The following SLC25A4 variants were observed in gnomAD, a reference collection of about 807,000 sequenced individuals.
SLC25A4 encodes solute carrier family 25 member 4.
A neutral mutation model predicts 24.7 loss-of-function variants in SLC25A4; 10 were observed. The observed-to-expected ratio is 0.41, with a 90% CI of 0.25 to 0.69. The LOEUF (loss-of-function observed/expected upper bound fraction) is 0.69, where lower values mean the gene tolerates loss of function less well. SLC25A4 is among the 30% of genes least tolerant of loss of function. The pLI is 0.35. For missense variants in SLC25A4, 273 were observed against 387.6 expected (o/e 0.70, Z 2.48); for synonymous variants, 125 against 153.3 (o/e 0.82, Z 1.36).
rs1734506906 is a variant in SLC25A4, at chr4:185,149,803, TC to T, written c.*2836del. 1 of 152,156 alleles carries T rather than the reference TC, an allele frequency of 6.6e-6. No homozygotes were observed. Among genetic ancestry groups the T allele is most frequent in the Non-Finnish European group, 1.5e-5 (1 of 68,040 alleles). 9.4% of individuals were successfully genotyped at this position (152,156 alleles called of 1,614,324 possible). On this transcript the variant is annotated 3_prime_UTR_variant, in exon 4 of 4. Coordinates refer to ENST00000281456, the MANE Select transcript of SLC25A4 (RefSeq NM_001151.4). The stretch of plus-strand genomic sequence containing the variant: ...ACCCCAATCACCTTTAGGTATTTTC[TC>T]CCCTAAAGCCTCACCTGTTGGCATT...
Position 185,145,887 on chromosome 4 carries a change from G to A in SLC25A4, c.727G>A (p.Gly243Ser), listed in dbSNP as rs764225621. 11 of 1,614,138 alleles carry A rather than the reference G, an allele frequency of 6.8e-6. No individual in the cohort carries two copies. Among genetic ancestry groups the A allele is most frequent in the Non-Finnish European group, 2.5e-6 (3 of 1,180,022 alleles). ...TCGTCGTAGAATGATGATGCAGTCC[G>A]GCCGGAAAGGGGGTAAGCTTGTGCT... Reference protein sequence around the residue: ...TVRRRMMMQSGRKGADIMYTG... With the variant: ...TVRRRMMMQSSRKGADIMYTG... Residue 243 changes from glycine to serine, a missense_variant, in exon 3 of 4, where the codon GGC becomes AGC. Gly to Ser is a moderately conservative substitution (Grantham distance 56). Transcript: ENST00000281456. This position sits in a 1 kb window ranked among gnomAD's most constrained non-coding sequence, Gnocchi z 5.5.
rs1442644480 is a variant in SLC25A4 at position 185,145,333 on chromosome 4, A to T, written c.598+83A>T. On this transcript the variant is annotated intron_variant, in intron 2 of 3. Coordinates refer to ENST00000281456, the MANE Select transcript of SLC25A4 (RefSeq NM_001151.4). The surrounding 1 kb of genome is among the most constrained non-coding windows in gnomAD (Gnocchi z 5.5). The stretch of plus-strand genomic sequence containing the variant: ...CTATAACTCACAAAGGACCTGATAT[A>T]TATTGATCTTGTTTTTTCTAGTCTC... 1 of 1,597,160 alleles carries T rather than the reference A, an allele frequency of 6.3e-7. No individual in the cohort carries two copies. The highest frequency in any genetic ancestry group is 1.3e-5 in the African/African-American group (1 of 74,740).
Position 185,147,034 on chromosome 4 carries a change from T to TACA in SLC25A4, c.*63_*64insACA. ...TTGATCTACAAGTTCACAGATCCAT[T>TACA]GTGTGGTTTAATAGACTATTCCTAG... On this transcript the variant is annotated 3_prime_UTR_variant, in exon 4 of 4. Coordinates refer to ENST00000281456, the MANE Select transcript of SLC25A4 (RefSeq NM_001151.4). 6.7e-7 allele frequency: 1 copy of TACA among 1,491,964 alleles called. No homozygotes were observed. The highest frequency in any genetic ancestry group is 9.3e-7 in the Non-Finnish European group (1 of 1,076,884). 92.4% of individuals were successfully genotyped at this position (1,491,964 alleles called of 1,614,324 possible). A position where few individuals can be genotyped will look rare whatever the true frequency, so the allele number is the denominator to read the frequency against.
At chr4:185,143,538 G>A in intron 1 of SLC25A4, 55 bp downstream of exon 1, 1 of 662,260 alleles carries the variant, frequency 1.5e-6, no homozygotes, top group Non-Finnish European at 2.0e-6. Flanking sequence ...CGGGCGGGGC[G>A]CGCGATGCGG....
Position 185,144,856 on chromosome 4 carries a change from C to G in SLC25A4, c.204C>G (p.Leu68=), listed in dbSNP as rs1489895755. ...VVRIPKEQGF[L]SFWRGNLANV... is the part of the protein sequence containing the mutation. ...GAATCCCTAAGGAGCAGGGCTTCCT[C>G]TCCTTCTGGAGGGGTAACCTGGCCA... The change falls in exon 2 of 4, where the codon CTC becomes CTG. Residue 68 remains leucine (L), a synonymous_variant. Coordinates refer to ENST00000281456, the MANE Select transcript of SLC25A4 (RefSeq NM_001151.4). 2 of 1,614,210 alleles carry G rather than the reference C, an allele frequency of 1.2e-6. No individual in the cohort carries two copies. The highest frequency in any genetic ancestry group is 1.1e-5 in the South Asian group (1 of 91,086).
rs185542833 is a variant in SLC25A4, at chr4:185,146,866, C to G, written c.792C>G (p.Asp264Glu). 1 of 1,614,208 alleles carries G rather than the reference C, an allele frequency of 6.2e-7. No individual in the cohort carries two copies. Among genetic ancestry groups the G allele is most frequent in the Admixed American group, 1.7e-5 (1 of 60,026 alleles). Residue 264 changes from aspartate to glutamate, a missense_variant, in exon 4 of 4, where the codon GAC becomes GAG. Asp to Glu is a conservative substitution (Grantham distance 45). Transcript: ENST00000281456. ...TVDCWRKIAK[D>E]EGAKAFFKGA... Reference sequence around the variant, plus strand: ...ACTGCTGGAGGAAGATTGCAAAAGACGAAGGAGCCAAGGCCTTCTTCAAAG... The same window carrying G: ...ACTGCTGGAGGAAGATTGCAAAAGAGGAAGGAGCCAAGGCCTTCTTCAAAG...
At position 185,150,092 on chromosome 4, in the gene SLC25A4, C is replaced by T. The variant is rs766108137; in HGVS notation, c.*3121C>T. ...GCAAGGCTGCAAGAGAATCGAGCGC[C>T]GCAAGGCGAGCTTATCTTCCACACC... On this transcript the variant is annotated 3_prime_UTR_variant, in exon 4 of 4. Transcript: ENST00000281456. 2 of 152,280 alleles carry T rather than the reference C, an allele frequency of 1.3e-5. No individual in the cohort carries two copies. The highest frequency in any genetic ancestry group is 2.9e-5 in the Non-Finnish European group (2 of 68,058). 9.4% of individuals were successfully genotyped at this position (152,280 alleles called of 1,614,324 possible). A position where few individuals can be genotyped will look rare whatever the true frequency, so the allele number is the denominator to read the frequency against.
In SLC25A4 at chr4:185,145,014, G is replaced by A. The variant is rs1345409226; in HGVS notation, c.362G>A (p.Gly121Glu). The stretch of plus-strand genomic sequence containing the variant: ...TTTGCTGGTAACCTGGCGTCCGGTG[G>A]GGCCGCTGGGGCCACCTCCCTTTGC... ...RYFAGNLASG[G>E]AAGATSLCFV... is the part of the protein sequence containing the mutation. The change falls in exon 2 of 4, where the codon GGG becomes GAG. Residue 121 changes from glycine to glutamate, a missense_variant. Coordinates refer to ENST00000281456, the MANE Select transcript of SLC25A4 (RefSeq NM_001151.4). This position sits in a 1 kb window ranked among gnomAD's most constrained non-coding sequence, Gnocchi z 5.5. The A allele has an allele frequency of 2.5e-6, 4 of 1,614,204 alleles. No homozygotes were observed.
At chr4:185,146,145 G>T (rs111822265) in intron 3 of SLC25A4, among the ~76,000 whole-genome samples, 25 of 152,260 alleles carry the variant, frequency 1.6e-4, no homozygotes, top group African/African-American at 6.0e-4. Context: ...ATTTAACTAG[G>T]TATCCAGCAT....
Position 185,145,977 on chromosome 4 carries a change from C to T in SLC25A4, c.739+78C>T. On this transcript the variant is annotated intron_variant, in intron 3 of 3. Transcript: ENST00000281456. This position sits in a 1 kb window ranked among gnomAD's most constrained non-coding sequence, Gnocchi z 5.5. ...ATTTTACAGGGCTCCTTTCAGTCTT[C>T]CTTACTGGAAATTAATTTTCAAAAT... The T allele has an allele frequency of 1.3e-6, 2 of 1,527,688 alleles. No homozygotes were observed. Among genetic ancestry groups the T allele is most frequent in the Non-Finnish European group, 1.8e-6 (2 of 1,112,290 alleles). The allele number at this position is 1,527,688 out of a possible 1,614,324, so 94.6% of individuals were successfully genotyped here. A position where few individuals can be genotyped will look rare whatever the true frequency, so the allele number is the denominator to read the frequency against.
chr4:185,144,163 T>C (rs558378041), intron 1 of SLC25A4, among the ~76,000 whole-genome samples: 4 of 152,152 alleles, frequency 2.6e-5, no homozygotes, highest in Non-Finnish European at 5.9e-5. Context: ...AATTTGGGAG[T>C]CAGAATTACT....
chr4:185,145,466 A>G lies in SLC25A4; in HGVS notation c.598+216A>G, dbSNP rs1734425939. 1.3e-6 allele frequency: 1 copy of G among 754,888 alleles called. No individual in the cohort carries two copies. Among genetic ancestry groups the G allele is most frequent in the Non-Finnish European group, 2.1e-6 (1 of 475,488 alleles). The allele number at this position is 754,888 out of a possible 1,614,324, so 46.8% of individuals were successfully genotyped here. On this transcript the variant is annotated intron_variant, in intron 2 of 3. Transcript: ENST00000281456. This position sits in a 1 kb window ranked among gnomAD's most constrained non-coding sequence, Gnocchi z 5.5. ...AACTCTGGCCTTTAGTTATTCAGAG[A>G]GGAGGAGGGGGGAGCCTGTCTCCCT...
Position 185,145,560 on chromosome 4 carries a change from G to C in SLC25A4, c.599-199G>C. The C allele has an allele frequency of 1.5e-6, 1 of 689,178 alleles. No individual in the cohort carries two copies. The highest frequency in any genetic ancestry group is 2.4e-6 in the Non-Finnish European group (1 of 416,052). 42.7% of individuals were successfully genotyped at this position (689,178 alleles called of 1,614,324 possible). On this transcript the variant is annotated intron_variant, in intron 2 of 3. Transcript: ENST00000281456. The surrounding 1 kb of genome is among the most constrained non-coding windows in gnomAD (Gnocchi z 5.5). ...TTCCAATGCCCTGTATACAAGCTGA[G>C]CACTGCCCCTCCGGGGTCCGGAGAG... is the stretch of plus-strand genomic sequence containing the variant.
Position 185,150,261 on chromosome 4 carries a change from A to G in SLC25A4, c.*3290A>G, listed in dbSNP as rs1353653545. 1 of 152,258 alleles carries G rather than the reference A, an allele frequency of 6.6e-6. No homozygotes were observed. Among genetic ancestry groups the G allele is most frequent in the Non-Finnish European group, 1.5e-5 (1 of 68,040 alleles). The allele number at this position is 152,258 out of a possible 1,614,324, so 9.4% of individuals were successfully genotyped here. On this transcript the variant is annotated 3_prime_UTR_variant, in exon 4 of 4. Transcript: ENST00000281456. Reference sequence around the variant, plus strand: ...TTTCATCAGTTCGGGTGAAATCTTGAACGTGCAAAGCACCATGGGGGTGGC... The same window carrying G: ...TTTCATCAGTTCGGGTGAAATCTTGGACGTGCAAAGCACCATGGGGGTGGC...
At chr4:185,144,699 TCTCC>T (rs2111285240) in intron 1 of SLC25A4, 61 bp from the exon 2 acceptor site, 1 of 1,536,888 alleles carries the variant, frequency 6.5e-7, no homozygotes, top group Admixed American at 1.8e-5. Flanking sequence ...CCTTTTTTTT[TCTCC>T]TGTCCTCTTC....
chr4:185,144,456 A>G (rs192062918), intron 1 of SLC25A4, among the ~76,000 whole-genome samples: 190 of 152,288 alleles, frequency 1.2e-3, no homozygotes, highest in African/African-American at 4.3e-3. Flanking sequence ...TCTCAAACCT[A>G]GGGAAAGTGA....
chr4:185,146,407 T>A (rs1007133228), intron 3 of SLC25A4, among the ~76,000 whole-genome samples: 5 of 152,246 alleles, frequency 3.3e-5, no homozygotes, highest in African/African-American at 1.2e-4. Context: ...CAGTTTCGTA[T>A]GTTTCAACGA....
rs1274747750 is a variant in SLC25A4 at position 185,145,260 on chromosome 4, G to A, written c.598+10G>A. ...TATGATACTGCCAAGGGTGAGAGAGGGGCATCGGGGAGAAGGAGGGTGGTG... is the reference window on the plus strand; with the variant it reads ...TATGATACTGCCAAGGGTGAGAGAGAGGCATCGGGGAGAAGGAGGGTGGTG... On this transcript the variant is annotated intron_variant, in intron 2 of 3. Transcript: ENST00000281456. This position sits in a 1 kb window ranked among gnomAD's most constrained non-coding sequence, Gnocchi z 5.5. 4 of 1,613,758 alleles carry A rather than the reference G, an allele frequency of 2.5e-6. No individual in the cohort carries two copies. The Admixed American group carries it at 6.7e-5, about 27-fold the overall frequency.
At position 185,145,448 on chromosome 4, in the gene SLC25A4, G is replaced by A. The variant is rs1001270955; in HGVS notation, c.598+198G>A. 2.4e-6 allele frequency: 2 copies of A among 816,522 alleles called. No homozygotes were observed. Among genetic ancestry groups the A allele is most frequent in the Admixed American group, 2.6e-5 (1 of 37,792 alleles). The allele number at this position is 816,522 out of a possible 1,614,324, so 50.6% of individuals were successfully genotyped here. Reference sequence around the variant, plus strand: ...GTGTCCTCTACTGAAATAAACTCTGGCCTTTAGTTATTCAGAGAGGAGGAG... The same window carrying A: ...GTGTCCTCTACTGAAATAAACTCTGACCTTTAGTTATTCAGAGAGGAGGAG... On this transcript the variant is annotated intron_variant, in intron 2 of 3. Coordinates refer to ENST00000281456, the MANE Select transcript of SLC25A4 (RefSeq NM_001151.4). The surrounding 1 kb of genome is among the most constrained non-coding windows in gnomAD (Gnocchi z 5.5).
Sources: allele counts gnomAD v4.1 joint callset (sites outside exome capture counted in the v4.1 genomes callset), GRCh38; gene constraint gnomAD v4.1.1; non-coding constraint Gnocchi (gnomAD v3.1); transcripts MANE v1.5; gene names NCBI Gene and HGNC (gene_info 2026-07-23, HGNC 2026-07-21).